Variants in STX3 observed in about 807,000 individuals in gnomAD.
STX3 encodes the protein syntaxin-3.
In STX3, 19 loss-of-function variants were observed where a neutral mutation model predicts 40.2. That is an observed-to-expected ratio of 0.47 (90% CI 0.33 to 0.69). The LOEUF is 0.69. STX3 is among the 30% of genes least tolerant of loss of function. STX3 has a pLI of 0.02. For synonymous variants in STX3, 122 were observed against 132.2 expected (o/e 0.92, Z 0.53); for missense variants, 364 against 366.7 (o/e 0.99, Z 0.06).
rs962513991 is a variant in STX3, at chr11:59,800,497, A to G, written c.*31-358A>G. 3.0e-6 allele frequency: 3 copies of G among 985,260 alleles called. No individual in the cohort carries two copies. In the East Asian group the frequency reaches 3.4e-4, roughly 112 times the overall value. The allele number at this position is 985,260 out of a possible 1,614,324, so 61.0% of individuals were successfully genotyped here. A position where few individuals can be genotyped will look rare whatever the true frequency, so the allele number is the denominator to read the frequency against. On this transcript the variant is annotated intron_variant, in intron 10 of 10. Transcript: ENST00000337979. ...GGCAGCAGGGAGTTCATGAAGATCG[A>G]GAACCAGAAAGCAGCTCCTGCAGCC...
chr11:59,761,832 A>G (rs1445579801), intron 1 of STX3, among the ~76,000 whole-genome samples: 1 of 150,106 alleles, frequency 6.7e-6, no homozygotes, highest in Non-Finnish European at 1.5e-5. Flanking sequence ...TTTTTTTTTT[A>G]ATAAATTTTT....
intron 10 of STX3, among the ~76,000 whole-genome samples, chr11:59,797,765 T>G (rs1011827534): frequency 6.6e-6 from 1 of 152,226 alleles, no homozygotes; most frequent in African/African-American, 2.4e-5. Context: ...TCTTACTGAT[T>G]TTCATGGATG....
At chr11:59,782,410 A>G (rs1864449851) in intron 2 of STX3, among the ~76,000 whole-genome samples, 1 of 152,198 alleles carries the variant, frequency 6.6e-6, no homozygotes, top group Admixed American at 6.5e-5. Flanking sequence ...AATTGCTGGC[A>G]TTTTTGTATT....
At chr11:59,800,452 C>T in intron 10 of STX3, 2 of 985,322 alleles carry the variant, frequency 2.0e-6, no homozygotes, top group East Asian at 1.1e-4. Context: ...TCATTGTGTC[C>T]TTCTGTTTTC....
chr11:59,768,614 A>C (rs1863401031), intron 1 of STX3, among the ~76,000 whole-genome samples: 1 of 152,190 alleles, frequency 6.6e-6, no homozygotes, highest in African/African-American at 2.4e-5. Flanking sequence ...TGATGAGCAG[A>C]AGGTGTCTGG....
intron 5 of STX3, 142 bp downstream of exon 5, chr11:59,790,728 G>T: frequency 1.5e-6 from 1 of 663,404 alleles, no homozygotes. Flanking sequence ...TCTCCAGGTT[G>T]AAATAGGGGT....
Position 59,790,535 on chromosome 11 carries a change from TGAA to T in STX3, c.312_314del (p.Glu104del). On this transcript the variant is annotated inframe_deletion, in exon 5 of 11. Transcript: ENST00000337979. Reference sequence around the variant, plus strand: ...CCTCTTTAGGCATGGAGAAGCATATTGAAGAAGATGAGGTCAGGTCATCGGCAG... The same window carrying T: ...CCTCTTTAGGCATGGAGAAGCATATTGAAGATGAGGTCAGGTCATCGGCAG... 1 of 1,614,020 alleles carries T rather than the reference TGAA, an allele frequency of 6.2e-7. No individual in the cohort carries two copies. The highest frequency in any genetic ancestry group is 8.5e-7 in the Non-Finnish European group (1 of 1,179,868).
chr11:59,791,818 G>A (rs1199295979), intron 5 of STX3, among the ~76,000 whole-genome samples: 2 of 152,268 alleles, frequency 1.3e-5, no homozygotes, highest in South Asian at 2.1e-4. Context: ...AATGCTACTA[G>A]TCCATGTGGA....
intron 9 of STX3, among the ~76,000 whole-genome samples, chr11:59,795,939 G>T (rs1865494549): frequency 1.3e-5 from 2 of 152,150 alleles, no homozygotes; most frequent in Non-Finnish European, 2.9e-5. Context: ...ACACTTGAAA[G>T]GCAGTTCTGT....
chr11:59,793,465 A>G lies in STX3; in HGVS notation c.626A>G (p.Lys209Arg). Residue 209 changes from lysine to arginine, a missense_variant, in exon 8 of 11, where the codon AAG (lysine) becomes AGG (arginine). Coordinates refer to ENST00000337979, the MANE Select transcript of STX3 (RefSeq NM_004177.5). ...ATTGTGAGGCTGGAGAGCAGCATCA[A>G]GGAGCTTCACGACATGTTTATGGAC... ...KDIVRLESSI[K>R]ELHDMFMDIA... 6.2e-7 allele frequency: 1 copy of G among 1,614,190 alleles called. No individual in the cohort carries two copies. The highest frequency in any genetic ancestry group is 8.5e-7 in the Non-Finnish European group (1 of 1,180,014).
At chr11:59,772,132 C>T (rs888252109) in intron 1 of STX3, among the ~76,000 whole-genome samples, 16 of 152,146 alleles carry the variant, frequency 1.1e-4, no homozygotes, top group Admixed American at 2.6e-4. Flanking sequence ...TCTAAGTGTT[C>T]GAGAGTGCTA....
At chr11:59,771,668 A>C (rs2134916659) in intron 1 of STX3, among the ~76,000 whole-genome samples, 1 of 152,224 alleles carries the variant, frequency 6.6e-6, no homozygotes, top group African/African-American at 2.4e-5. Flanking sequence ...GTGATCTAAA[A>C]GAATGGTGTG....
At position 59,801,089 on chromosome 11, in the gene STX3, C is replaced by G. The variant is rs938073480; in HGVS notation, c.*265C>G. 4 of 1,410,944 alleles carry G rather than the reference C, an allele frequency of 2.8e-6. No individual in the cohort carries two copies. In the African/African-American group the frequency reaches 5.8e-5, roughly 20 times the overall value. 87.4% of individuals were successfully genotyped at this position (1,410,944 alleles called of 1,614,324 possible). On this transcript the variant is annotated 3_prime_UTR_variant, in exon 11 of 11. Transcript: ENST00000337979. Reference sequence around the variant, plus strand: ...GCTCTCAAGTACCTTTTCTCCTGGACTGTGTGGACCCACCCAGCTTTCTTC... The same window carrying G: ...GCTCTCAAGTACCTTTTCTCCTGGAGTGTGTGGACCCACCCAGCTTTCTTC...
In STX3 at chr11:59,804,424, T is replaced by G. The variant is rs1326241628; in HGVS notation, c.*3600T>G. 1 of 152,236 alleles carries G rather than the reference T, an allele frequency of 6.6e-6. No individual in the cohort carries two copies. Among genetic ancestry groups the G allele is most frequent in the Non-Finnish European group, 1.5e-5 (1 of 68,044 alleles). 9.4% of individuals were successfully genotyped at this position (152,236 alleles called of 1,614,324 possible). ...GGTACTCAAATATCTGCTGACTTAA[T>G]TACTTATAATTAAGCTCTTATTTCA... On this transcript the variant is annotated 3_prime_UTR_variant, in exon 11 of 11. Transcript: ENST00000337979.
Position 59,793,079 on chromosome 11 carries a change from C to CT in STX3, c.467-19dup. ...TCACCGTGATCTTATATTTGACGCT[C>CT]TACTTCTTTTGTTACAAAGCTGGCA... On this transcript the variant is annotated intron_variant, in intron 6 of 10. Transcript: ENST00000337979. 6.2e-7 allele frequency: 1 copy of CT among 1,612,158 alleles called. No individual in the cohort carries two copies. Among genetic ancestry groups the CT allele is most frequent in the South Asian group, 1.1e-5 (1 of 90,500 alleles).
chr11:59,801,228 T>A lies in STX3; in HGVS notation c.*404T>A. 1 of 1,081,914 alleles carries A rather than the reference T, an allele frequency of 9.2e-7. No individual in the cohort carries two copies. The highest frequency in any genetic ancestry group is 1.1e-6 in the Non-Finnish European group (1 of 890,360). The allele number at this position is 1,081,914 out of a possible 1,614,324, so 67.0% of individuals were successfully genotyped here. On this transcript the variant is annotated 3_prime_UTR_variant, in exon 11 of 11. Transcript: ENST00000337979. ...TATTCTCCCAGAAACTGCAATGTAT[T>A]TTTTTAGGGGAGTATCTTTAACAAA...
At chr11:59,778,676 C>G (rs1416601372) in intron 2 of STX3, among the ~76,000 whole-genome samples, 3 of 152,190 alleles carry the variant, frequency 2.0e-5, no homozygotes, top group Non-Finnish European at 4.4e-5. Flanking sequence ...TCTTTCTTCT[C>G]TTGGAAACTT....
intron 1 of STX3, among the ~76,000 whole-genome samples, chr11:59,772,481 G>A (rs1368966502): frequency 2.0e-5 from 3 of 152,316 alleles, no homozygotes; most frequent in African/African-American, 7.2e-5. Context: ...GCTTCTGACA[G>A]GGAGTGACAT....
At position 59,787,152 on chromosome 11, in the gene STX3, GA is replaced by G; in HGVS notation, c.214+18del. 6.2e-7 allele frequency: 1 copy of G among 1,607,130 alleles called. No individual in the cohort carries two copies. The highest frequency in any genetic ancestry group is 1.7e-5 in the Admixed American group (1 of 59,500). ...CCAGAGCCAAGTGAGTGTTTACTTA[GA>G]ACTGAGTCATCCAACAATCACCCTT... On this transcript the variant is annotated intron_variant, in intron 3 of 10. Transcript: ENST00000337979.
Sources: gnomAD v4.1 joint callset for allele counts (sites outside exome capture counted in the v4.1 genomes callset) on GRCh38, gnomAD v4.1.1 for gene constraint, MANE v1.5 for transcripts, NCBI Gene and HGNC (gene_info 2026-07-23, HGNC 2026-07-21) for gene names.